The following WTAP variants were observed in gnomAD, a reference collection of about 807,000 sequenced individuals.
WTAP encodes the protein WT1 associated protein.
In WTAP, 8 loss-of-function variants were observed where a neutral mutation model predicts 50.0. That is an observed-to-expected ratio of 0.16 (90% CI 0.09 to 0.29). The LOEUF (loss-of-function observed/expected upper bound fraction) is 0.29, where lower values mean the gene tolerates loss of function less well. WTAP is among the 10% of genes least tolerant of loss of function. The pLI, the probability that WTAP is intolerant of heterozygous loss-of-function variation, is 1.00. For synonymous variants in WTAP, 194 were observed against 169.0 expected (o/e 1.15, Z -1.15); for missense variants, 295 against 470.7 (o/e 0.63, Z 3.45).
chr6:159,741,781 A>G, intron 3 of WTAP: 1 of 209,624 alleles, frequency 4.8e-6, no homozygotes, highest in South Asian at 6.7e-5. Context: ...TGAGCTCGGG[A>G]GTTCAAGACC....
Position 159,756,258 on chromosome 6 carries a change from C to G in WTAP, c.*647C>G, listed in dbSNP as rs1456142069. On this transcript the variant is annotated 3_prime_UTR_variant, in exon 8 of 8. Coordinates refer to ENST00000621533, the MANE Select transcript of WTAP (RefSeq NM_001270531.2). ...CCTGTTAATGCATATTGCTCTGTGA[C>G]TCCAGTATATCTTACCTGTACTGAC... The G allele has an allele frequency of 6.5e-6, 1 of 152,686 alleles. No individual in the cohort carries two copies. Among genetic ancestry groups the G allele is most frequent in the Admixed American group, 6.5e-5 (1 of 15,284 alleles). 9.5% of individuals were successfully genotyped at this position (152,686 alleles called of 1,614,324 possible).
At position 159,743,837 on chromosome 6, in the gene WTAP, T is replaced by A. The variant is rs530924854; in HGVS notation, c.273+45T>A. 14 of 1,537,806 alleles carry A rather than the reference T, an allele frequency of 9.1e-6. No homozygotes were observed. In the African/African-American group the frequency reaches 1.5e-4, roughly 17 times the overall value. On this transcript the variant is annotated intron_variant, in intron 5 of 7. Transcript: ENST00000621533. Reference sequence around the variant, plus strand: ...TAAATGTCTTTAGTTGAGGAATTGGTTTTTAGTCCACATTATTACATGTTA... The same window carrying A: ...TAAATGTCTTTAGTTGAGGAATTGGATTTTAGTCCACATTATTACATGTTA...
chr6:159,746,451 AT>A (rs1779578499), intron 5 of WTAP, among the ~76,000 whole-genome samples: 1 of 152,216 alleles, frequency 6.6e-6, no homozygotes, highest in Non-Finnish European at 1.5e-5. Context: ...CTTAGAAAAA[AT>A]AAAATATACA....
intron 5 of WTAP, among the ~76,000 whole-genome samples, chr6:159,747,557 T>G (rs150799114): frequency 6.6e-5 from 10 of 152,358 alleles, no homozygotes; most frequent in Admixed American, 5.2e-4. Context: ...GCAACTCTTG[T>G]AGCTATAAGT....
At position 159,742,701 on chromosome 6, in the gene WTAP, G is replaced by T. The variant is rs548346009; in HGVS notation, c.145+555G>T. On this transcript the variant is annotated intron_variant, in intron 4 of 7. Transcript: ENST00000621533. ...ATATATTGTTTTGTAACTTCAGAAG[G>T]GTTAATACCCTGAAATTCTAATTTT... is the stretch of plus-strand genomic sequence containing the variant. Among the ~76,000 whole-genome samples the T allele has an allele frequency of 2.0e-5, 3 of 152,152 alleles. No individual in the cohort carries two copies. In the East Asian group the frequency reaches 5.8e-4, roughly 29 times the overall value.
At chr6:159,752,906 A>G (rs899286294) in intron 6 of WTAP, among the ~76,000 whole-genome samples, 2 of 152,312 alleles carry the variant, frequency 1.3e-5, no homozygotes, top group Admixed American at 6.5e-5. Context: ...GCTACTTTTT[A>G]AAAAATTTTT....
chr6:159,745,119 A>G (rs1446965433), intron 5 of WTAP: 1 of 152,256 alleles, frequency 6.6e-6, no homozygotes, highest in Non-Finnish European at 1.5e-5. Flanking sequence ...TACACGAGAA[A>G]TGGATCTTAC....
rs1181392044 is a variant in WTAP, at chr6:159,736,342, G to C, written c.30+47G>C. 2.0e-6 allele frequency: 3 copies of C among 1,483,452 alleles called. No homozygotes were observed. In the South Asian group the frequency reaches 3.6e-5, roughly 18 times the overall value. The allele number at this position is 1,483,452 out of a possible 1,614,324, so 91.9% of individuals were successfully genotyped here. A position where few individuals can be genotyped will look rare whatever the true frequency, so the allele number is the denominator to read the frequency against. On this transcript the variant is annotated intron_variant, in intron 2 of 7. Transcript: ENST00000621533. ...TTTTTTGTTTTGTTTTGGGTTTTTT[G>C]GGGGCTTTTTTAAGCACTTTAAAAA...
At chr6:159,729,542 TTTATGTTCATA>T (rs1778437693) in intron 1 of WTAP, among the ~76,000 whole-genome samples, 1 of 151,540 alleles carries the variant, frequency 6.6e-6, no homozygotes. Flanking sequence ...GAAGTTGCCT[TTTATGTTCATA>T]TTATGTTCAT....
intron 1 of WTAP, among the ~76,000 whole-genome samples, chr6:159,734,876 GTGTTTA>G (rs916788097): frequency 3.9e-5 from 6 of 151,900 alleles, no homozygotes; most frequent in Non-Finnish European, 8.8e-5. Flanking sequence ...TTTTAATGTG[GTGTTTA>G]TGTTTATTAC....
intron 3 of WTAP, among the ~76,000 whole-genome samples, chr6:159,739,398 T>C (rs1475938918): frequency 1.3e-5 from 2 of 152,220 alleles, no homozygotes; most frequent in East Asian, 3.8e-4. Flanking sequence ...TTCTTATTAG[T>C]GTGACCTTCA....
Position 159,743,711 on chromosome 6 carries a change from A to G in WTAP, c.192A>G (p.Gln64=), listed in dbSNP as rs1302929704. The change falls in exon 5 of 8, where the codon CAA becomes CAG. Residue 64 remains glutamine, a synonymous_variant. Transcript: ENST00000621533. ...GLRESEEKLK[Q]QQQESARREN... is the part of the protein sequence containing the mutation. ...GAGAGTCTGAAGAAAAACTAAAGCA[A>G]CAACAGCAGGAGTCTGCACGCAGGG... 2 of 1,613,574 alleles carry G rather than the reference A, an allele frequency of 1.2e-6. No homozygotes were observed. Among genetic ancestry groups the G allele is most frequent in the Non-Finnish European group, 1.7e-6 (2 of 1,179,784 alleles).
chr6:159,734,731 T>C (rs1203631015), intron 1 of WTAP, among the ~76,000 whole-genome samples: 1 of 152,224 alleles, frequency 6.6e-6, no homozygotes, highest in African/African-American at 2.4e-5. Context: ...AAATGCAATT[T>C]AGATGCTTTT....
Position 159,748,954 on chromosome 6 carries a change from G to A in WTAP, c.452+585G>A. The A allele has an allele frequency of 4.6e-6, 5 of 1,088,640 alleles. No individual in the cohort carries two copies. Among genetic ancestry groups the A allele is most frequent in the Non-Finnish European group, 4.5e-6 (4 of 897,312 alleles). 67.4% of individuals were successfully genotyped at this position (1,088,640 alleles called of 1,614,324 possible). A position where few individuals can be genotyped will look rare whatever the true frequency, so the allele number is the denominator to read the frequency against. On this transcript the variant is annotated intron_variant, in intron 6 of 7. Transcript: ENST00000621533. This position sits in a 1 kb window ranked among gnomAD's most constrained non-coding sequence, Gnocchi z 5.6. ...AATGAGGTGAATTTTGCCTTTAAAG[G>A]GTTTATTTGCTGAGAACCAACTTTC...
intron 1 of WTAP, 130 bp downstream of exon 1, chr6:159,727,833 GTC>G (rs1027686886): frequency 1.5e-6 from 1 of 647,714 alleles, no homozygotes; most frequent in African/African-American, 2.0e-5. Context: ...TGCGGCACCG[GTC>G]TCTCGTGAGC....
chr6:159,739,878 A>G (rs541132963), intron 3 of WTAP, among the ~76,000 whole-genome samples: 1 of 124,774 alleles, frequency 8.0e-6, no homozygotes, highest in East Asian at 2.3e-4. Context: ...CATACATAGG[A>G]CAGTTTCCAT....
intron 7 of WTAP, 135 bp downstream of exon 7, chr6:159,753,749 A>T: frequency 8.8e-7 from 1 of 1,138,812 alleles, no homozygotes. Flanking sequence ...ATTGTGAGTG[A>T]AGCATTTTTA....
Position 159,755,382 on chromosome 6 carries a change from C to T in WTAP, c.962C>T (p.Thr321Ile). The change falls in exon 8 of 8, where the codon ACT becomes ATT. Residue 321 changes from threonine to isoleucine, a missense_variant. Around this residue, in one of 2 missense-constraint regions of WTAP, gnomAD observed 175 missense variants for 183.1 expected, o/e 0.96. Transcript: ENST00000621533. ...NKSSNSSEER[T>I]GRGGSGYVNQ... ...TCCTCCAACAGCTCAGAGGAGAGAA[C>T]TGGCAGAGGAGGTAGTGGTTACGTA... 1 of 1,614,214 alleles carries T rather than the reference C, an allele frequency of 6.2e-7. No individual in the cohort carries two copies.
At chr6:159,734,609 A>G (rs908965004) in intron 1 of WTAP, among the ~76,000 whole-genome samples, 1 of 152,186 alleles carries the variant, frequency 6.6e-6, no homozygotes, top group Non-Finnish European at 1.5e-5. Context: ...CCAAGAGTTC[A>G]AGACTAGCCT....
Sources: gnomAD v4.1 joint callset for allele counts (sites outside exome capture counted in the v4.1 genomes callset) on GRCh38, gnomAD v4.1.1 for gene constraint, gnomAD v4.1.1 regional missense constraint, Gnocchi (gnomAD v3.1) non-coding constraint, MANE v1.5 for transcripts, NCBI Gene and HGNC (gene_info 2026-07-23, HGNC 2026-07-21) for gene names.